PTPRT: variants seen among roughly 807,000 people sequenced by gnomAD.
PTPRT encodes the protein receptor-type tyrosine-protein phosphatase T.
In PTPRT, 56 loss-of-function variants were observed where a neutral mutation model predicts 176.8. The ratio of observed to expected loss-of-function variants is 0.32; its 90% CI spans 0.26 to 0.40. PTPRT has a LOEUF of 0.40. Among genes scored for constraint, PTPRT ranks in the 10% least tolerant of loss-of-function variants. PTPRT has a pLI of 1.00. For synonymous variants in PTPRT, 783 were observed against 739.0 expected (o/e 1.06, Z -0.96); for missense variants, 1,540 against 1,908.2 (o/e 0.81, Z 3.60).
chr20:42,879,439 C>T (rs777972922), intron 2 of PTPRT, among the ~76,000 whole-genome samples: 4 of 152,188 alleles, frequency 2.6e-5, no homozygotes, highest in African/African-American at 9.7e-5. Flanking sequence ...TTTGCCTCCA[C>T]GAGTCGTATT....
At chr20:42,956,786 G>C (rs992577951) in intron 1 of PTPRT, among the ~76,000 whole-genome samples, 13 of 152,122 alleles carry the variant, frequency 8.5e-5, no homozygotes, top group Admixed American at 2.0e-4. Flanking sequence ...AGCAACAACG[G>C]TCAGGACTAT....
chr20:42,529,862 A>AG (rs1222223247), intron 7 of PTPRT, among the ~76,000 whole-genome samples: 32 of 151,218 alleles, frequency 2.1e-4, no homozygotes, highest in South Asian at 2.1e-3. Flanking sequence ...AAAAAAAAAA[A>AG]AAAGAAAAAA....
At chr20:42,352,892 C>A (rs1302859876) in intron 9 of PTPRT, among the ~76,000 whole-genome samples, 2 of 151,636 alleles carry the variant, frequency 1.3e-5, no homozygotes, top group Non-Finnish European at 2.9e-5. Context: ...AAACAGAGGG[C>A]GACCCACAGA....
At chr20:42,241,973 T>C (rs1000307433) in intron 14 of PTPRT, among the ~76,000 whole-genome samples, 55 of 152,218 alleles carry the variant, frequency 3.6e-4, no homozygotes, top group African/African-American at 1.3e-3. Context: ...AACTCTGCCA[T>C]TTATTAGGTA....
chr20:42,102,358 G>T, intron 25 of PTPRT, 61 bp from the exon 26 acceptor site: 1 of 1,545,614 alleles, frequency 6.5e-7, no homozygotes, highest in South Asian at 1.2e-5. Context: ...GAGCAAAAGA[G>T]ACAGTAATGT....
Position 42,571,441 on chromosome 20 carries a change from C to G in PTPRT, c.1154-98879G>C, listed in dbSNP as rs377305629. 2.6e-5 allele frequency among the ~76,000 whole-genome samples: 4 copies of G among 152,120 alleles called. No homozygotes were observed. The East Asian group carries it at 5.8e-4, about 22-fold the overall frequency. On this transcript the variant is annotated intron_variant, in intron 7 of 30. Transcript: ENST00000373187. ...GATACTACAGAATGCATCCTGCCAA[C>G]ACATCAATTTTAGCCCAGTAGGATG...
intron 7 of PTPRT, among the ~76,000 whole-genome samples, chr20:42,563,154 C>T (rs888869128): frequency 3.3e-5 from 5 of 151,880 alleles, no homozygotes; most frequent in Middle Eastern, 3.4e-3. Flanking sequence ...ACTAATGTGT[C>T]GAAAAACACA....
the PTPRT span, among the ~76,000 whole-genome samples, chr20:42,036,092 A>G: frequency 6.6e-6 from 1 of 152,148 alleles, no homozygotes; most frequent in East Asian, 1.9e-4. Context: ...GTGGTGTTGA[A>G]CATTCTTTAG....
At chr20:42,266,209 C>A (rs2056836402) in intron 13 of PTPRT, among the ~76,000 whole-genome samples, 2 of 152,106 alleles carry the variant, frequency 1.3e-5, no homozygotes, top group South Asian at 4.1e-4. Context: ...GCTCAAGGTC[C>A]CCAGTTTTAA....
At chr20:42,544,320 T>C (rs1285125611) in intron 7 of PTPRT, among the ~76,000 whole-genome samples, 1 of 152,186 alleles carries the variant, frequency 6.6e-6, no homozygotes, top group Non-Finnish European at 1.5e-5. Flanking sequence ...ACCTTACACT[T>C]CTGTTATGAA....
rs562928830 is a variant in PTPRT, at chr20:42,391,796, C to G, written c.1561-39511G>C. 7.4e-4 allele frequency among the ~76,000 whole-genome samples: 112 copies of G among 152,314 alleles called. 2 individuals are homozygous for G. The South Asian group carries it at 0.023, about 31-fold the overall frequency. On this transcript the variant is annotated intron_variant, in intron 9 of 30. Coordinates refer to ENST00000373187, the MANE Select transcript of PTPRT (RefSeq NM_007050.6). ...TCCAGCAAGTCCTACATACTGAAAA[C>G]AGATGTAAATGCTCTGTCCTATAAC...
chr20:42,124,546 T>C (rs1192878532), intron 19 of PTPRT, among the ~76,000 whole-genome samples: 1 of 152,218 alleles, frequency 6.6e-6, no homozygotes, highest in African/African-American at 2.4e-5. Context: ...ATTCAGCTCA[T>C]TGTCCCAATG....
intron 14 of PTPRT, among the ~76,000 whole-genome samples, chr20:42,246,469 T>G (rs1303424094): frequency 6.6e-6 from 1 of 152,200 alleles, no homozygotes; most frequent in Non-Finnish European, 1.5e-5. Context: ...GATCATGTGA[T>G]GCCTGTTGAT....
chr20:42,159,875 A>T (rs1989514333), intron 17 of PTPRT, among the ~76,000 whole-genome samples: 1 of 152,210 alleles, frequency 6.6e-6, no homozygotes, highest in African/African-American at 2.4e-5. Context: ...AAGAATTTTA[A>T]AACTCAGATA....
intron 24 of PTPRT, among the ~76,000 whole-genome samples, chr20:42,105,398 A>G (rs1337842343): frequency 6.6e-6 from 1 of 151,952 alleles, no homozygotes; most frequent in Non-Finnish European, 1.5e-5. Flanking sequence ...ATCTTCTCCT[A>G]TCTCAATTCT....
At chr20:42,270,484 C>T in intron 13 of PTPRT, 1 of 1,548,888 alleles carries the variant, frequency 6.5e-7, no homozygotes. Context: ...CCCCAGGCAG[C>T]ATGCAGAAGA....
intron 4 of PTPRT, among the ~76,000 whole-genome samples, chr20:42,778,838 C>T (rs1333301235): frequency 6.6e-6 from 1 of 152,120 alleles, no homozygotes; most frequent in Non-Finnish European, 1.5e-5. Flanking sequence ...AAGTCTGGGT[C>T]AATAGAAACA....
intron 7 of PTPRT, among the ~76,000 whole-genome samples, chr20:42,494,563 C>T (rs1208415865): frequency 3.3e-5 from 5 of 152,098 alleles, no homozygotes; most frequent in Non-Finnish European, 5.9e-5. Context: ...TCCCGCCCCT[C>T]CCCCAACTAT....
chr20:42,672,372 G>T (rs578143197), intron 7 of PTPRT, among the ~76,000 whole-genome samples: 1 of 152,122 alleles, frequency 6.6e-6, no homozygotes, highest in African/African-American at 2.4e-5. Context: ...TTTGGGACTC[G>T]GACTGGCTTC....
Sources: allele counts gnomAD v4.1 joint callset (sites outside exome capture counted in the v4.1 genomes callset), GRCh38; gene constraint gnomAD v4.1.1; transcripts MANE v1.5; gene names NCBI Gene and HGNC (gene_info 2026-07-23, HGNC 2026-07-21).